PCLO: variants seen among roughly 807,000 people sequenced by gnomAD.
The protein encoded by PCLO is protein piccolo.
Under a neutral mutation model 427.5 loss-of-function variants are expected in PCLO, and 82 were observed. That is an observed-to-expected ratio of 0.19 (90% confidence interval 0.16 to 0.23). PCLO has a LOEUF of 0.23. PCLO is among the 10% of genes least tolerant of loss of function. The probability of loss-of-function intolerance (pLI) is 1.00; values close to 1 mark genes in which losing one functional copy is unlikely to be tolerated. For missense variants in PCLO, 6,239 were observed against 6,115.9 expected, an observed-to-expected ratio of 1.02 and a Z score of -0.67; for synonymous variants, 2,357 against 2,155.4, an observed-to-expected ratio of 1.09 and a Z score of -2.59.
chr7:83,082,433 T>G (rs1429793898), intron 3 of PCLO, among the ~76,000 whole-genome samples: 1 of 151,646 alleles, frequency 6.6e-6, no homozygotes, highest in Admixed American at 6.6e-5. Flanking sequence ...TCGTACATAC[T>G]TGGAACTTGG....
intron 22 of PCLO, among the ~76,000 whole-genome samples, chr7:82,796,983 C>A (rs73167393): frequency 0.24 from 36,437 of 151,388 alleles, 5,352 homozygotes; most frequent in Non-Finnish European, 0.33. Context: ...AATAAGACAG[C>A]AAGGTCACAT....
intron 3 of PCLO, among the ~76,000 whole-genome samples, chr7:82,982,161 T>TTA (rs1226871715): frequency 6.6e-6 from 1 of 152,100 alleles, no homozygotes; most frequent in Non-Finnish European, 1.5e-5. Context: ...TTGTATTGCG[T>TTA]TATGTTAATA....
rs146949258 is a variant in PCLO, at chr7:82,853,516, G to A, written c.13655-6269C>T. On this transcript the variant is annotated intron_variant, in intron 10 of 24. Coordinates refer to ENST00000333891, the MANE Select transcript of PCLO (RefSeq NM_033026.6). ...GTTTATTGAAAATGAAATCTTAATTGGTTTAAAAACTATAATTTTTTTAAA... is the reference window on the plus strand; with the variant it reads ...GTTTATTGAAAATGAAATCTTAATTAGTTTAAAAACTATAATTTTTTTAAA... Among the ~76,000 whole-genome samples the A allele has an allele frequency of 2.5e-3, 387 of 151,944 alleles. 2 individuals carry two copies. Among genetic ancestry groups the A allele is most frequent in the African/African-American group, 6.8e-3 (282 of 41,446 alleles).
In PCLO at chr7:82,777,236, G is replaced by T. The variant is rs145510844; in HGVS notation, c.15008-15743C>A. Among the ~76,000 whole-genome samples the T allele has an allele frequency of 4.3e-3, 658 of 152,086 alleles. 2 individuals carry two copies. Among genetic ancestry groups the T allele is most frequent in the African/African-American group, 0.014 (577 of 41,486 alleles). On this transcript the variant is annotated intron_variant, in intron 22 of 24. Coordinates refer to ENST00000333891, the MANE Select transcript of PCLO (RefSeq NM_033026.6). ...TCTACAATGAGAATTACAAAATACC[G>T]CTCAAAGAAATCAGAGATGACACAA...
chr7:83,145,615 C>G (rs1295660795), intron 2 of PCLO, among the ~76,000 whole-genome samples: 4 of 152,042 alleles, frequency 2.6e-5, no homozygotes, highest in Non-Finnish European at 4.4e-5. Flanking sequence ...TTCTTATCTA[C>G]CAATGGAGTC....
rs532019080 is a variant in PCLO at position 82,952,838 on chromosome 7, T to C, written c.8115A>G (p.Leu2705=). Residue 2705 remains leucine (L), a synonymous_variant, in exon 5 of 25, where the codon CTA becomes CTG. Coordinates refer to ENST00000333891, the MANE Select transcript of PCLO (RefSeq NM_033026.6). The stretch of plus-strand genomic sequence containing the variant: ...GAGGCTTCTCTAAATGTATGTTATC[T>C]AGAGCAAGAGGCTCTGGAGGAATTG... ...SITIPPEPLA[L]DNIHLEKPQY... 9.1e-5 allele frequency: 147 copies of C among 1,613,572 alleles called. No homozygotes were observed. In the South Asian group the frequency reaches 1.5e-3, roughly 16 times the overall value.
rs376097934 is a variant in PCLO, at chr7:82,956,131, G to A, written c.4822C>T (p.His1608Tyr). The A allele has an allele frequency of 3.1e-6, 5 of 1,609,002 alleles. No individual in the cohort carries two copies. Among genetic ancestry groups the A allele is most frequent in the Non-Finnish European group, 3.4e-6 (4 of 1,179,828 alleles). The stretch of plus-strand genomic sequence containing the variant: ...CTACTTTTTCGAGTCAGTCGTCTGT[G>A]TTTCCCTGCTGTTATTTTGCCTTTT... ...KGKGKITAGKHRRLTRKSSTS... is the reference protein window; with the variant it reads ...KGKGKITAGKYRRLTRKSSTS... The change falls in exon 5 of 25, where the codon CAC becomes TAC. Residue 1608 changes from histidine to tyrosine, a missense_variant. By Grantham distance (83) the His-to-Tyr change is moderately conservative. Around this residue, in one of 5 missense-constraint regions of PCLO, gnomAD observed 4,677 missense variants for 4,468.4 expected, o/e 1.05. Coordinates refer to ENST00000333891, the MANE Select transcript of PCLO (RefSeq NM_033026.6).
At chr7:82,972,748 T>C (rs1260897789) in intron 3 of PCLO, among the ~76,000 whole-genome samples, 1 of 152,088 alleles carries the variant, frequency 6.6e-6, no homozygotes, top group Non-Finnish European at 1.5e-5. Flanking sequence ...CCCTGCCCAC[T>C]ATGAAGCTTT....
At chr7:83,026,083 G>A (rs912399949) in intron 3 of PCLO, among the ~76,000 whole-genome samples, 1 of 151,382 alleles carries the variant, frequency 6.6e-6, no homozygotes. Context: ...CATCATGACA[G>A]GATCAAATTC....
intron 9 of PCLO, among the ~76,000 whole-genome samples, chr7:82,892,831 C>G (rs980189419): frequency 6.6e-6 from 1 of 152,166 alleles, no homozygotes; most frequent in African/African-American, 2.4e-5. Flanking sequence ...AAATGCTCAT[C>G]ATCACTGGCC....
At chr7:82,959,299 C>T (rs1031201290) in intron 4 of PCLO, among the ~76,000 whole-genome samples, 4 of 152,054 alleles carry the variant, frequency 2.6e-5, no homozygotes, top group Non-Finnish European at 4.4e-5. Context: ...CTCCTGACCT[C>T]GTGATCCGCC....
intron 9 of PCLO, among the ~76,000 whole-genome samples, chr7:82,888,930 G>A (rs1189614730): frequency 6.6e-6 from 1 of 152,066 alleles, no homozygotes; most frequent in African/African-American, 2.4e-5. Context: ...CAGGAGGGTC[G>A]AACCACAAGT....
At chr7:83,127,932 A>G (rs1791478960) in intron 3 of PCLO, among the ~76,000 whole-genome samples, 1 of 152,172 alleles carries the variant, frequency 6.6e-6, no homozygotes, top group African/African-American at 2.4e-5. Flanking sequence ...TGACAATGAT[A>G]GCCTTGAGAT....
chr7:82,838,961 AAAG>A (rs1436917289), intron 14 of PCLO, among the ~76,000 whole-genome samples: 1 of 152,070 alleles, frequency 6.6e-6, no homozygotes, highest in East Asian at 1.9e-4. Flanking sequence ...GAAGCTGAAA[AAAG>A]AAGAGACATT....
intron 19 of PCLO, among the ~76,000 whole-genome samples, chr7:82,823,881 T>C (rs547250581): frequency 9.2e-5 from 14 of 152,336 alleles, no homozygotes; most frequent in African/African-American, 3.4e-4. Context: ...TGATTATGTC[T>C]AGTCAATGAA....
In PCLO at chr7:82,771,500, T is replaced by C. The variant is rs182054238; in HGVS notation, c.15008-10007A>G. ...CAATCAAGTGGATAATATTATAGTA[T>C]TGTCAATGACAAATACCAGTTGAAT... On this transcript the variant is annotated intron_variant, in intron 22 of 24. Transcript: ENST00000333891. 1.1e-4 allele frequency among the ~76,000 whole-genome samples: 17 copies of C among 152,176 alleles called. No individual in the cohort carries two copies. The East Asian group carries it at 3.3e-3, about 29-fold the overall frequency.
chr7:83,038,733 G>A (rs1371464837), intron 3 of PCLO, among the ~76,000 whole-genome samples: 7 of 151,794 alleles, frequency 4.6e-5, no homozygotes, highest in Admixed American at 2.6e-4. Flanking sequence ...ATGTCTCTTC[G>A]GTATCTATGT....
intron 3 of PCLO, among the ~76,000 whole-genome samples, chr7:82,978,236 A>G (rs1796067033): frequency 1.3e-5 from 2 of 151,322 alleles, no homozygotes; most frequent in African/African-American, 4.9e-5. Context: ...CTTCACCAGG[A>G]AAGTTTTAAA....
At chr7:82,799,264 C>T (rs1791292123) in intron 22 of PCLO, among the ~76,000 whole-genome samples, 1 of 152,164 alleles carries the variant, frequency 6.6e-6, no homozygotes, top group African/African-American at 2.4e-5. Context: ...TTCATTTGCT[C>T]AACAAACATT....
Sources: allele counts gnomAD v4.1 joint callset (sites outside exome capture counted in the v4.1 genomes callset), GRCh38; gene constraint gnomAD v4.1.1; regional missense constraint gnomAD v4.1.1; transcripts MANE v1.5; gene names NCBI Gene and HGNC (gene_info 2026-07-23, HGNC 2026-07-21).